HSPBP1: variants seen among roughly 807,000 people sequenced by gnomAD.
HSPBP1 encodes hsp70-binding protein 1.
Under a neutral mutation model 41.7 loss-of-function variants are expected in HSPBP1, and 31 were observed. The ratio of observed to expected loss-of-function variants is 0.74; its 90% confidence interval spans 0.56 to 1.00. The LOEUF is 1.00. Among genes scored for constraint, HSPBP1 ranks in the 50% least tolerant of loss-of-function variants. The pLI, the probability that HSPBP1 is intolerant of heterozygous loss-of-function variation, is 0.00. For missense variants in HSPBP1, 439 were observed against 487.9 expected (o/e 0.90, Z 0.94); for synonymous variants, 199 against 214.4 (o/e 0.93, Z 0.63).
rs758867071 is a variant in HSPBP1, at chr19:55,266,382, ACAT to A, written c.641-99_641-97del. ...AACATCATCACAACCACCATCACCA[ACAT>A]CATCATCACCACCATCACCACTATC... On this transcript the variant is annotated intron_variant, in intron 4 of 7. Transcript: ENST00000433386. 6,221 of 822,576 alleles carry A rather than the reference ACAT, an allele frequency of 7.6e-3. 25 individuals are homozygous for A. The highest frequency in any genetic ancestry group is 9.5e-3 in the Non-Finnish European group (5,650 of 594,292). The allele number at this position is 822,576 out of a possible 1,614,324, so 51.0% of individuals were successfully genotyped here.
intron 7 of HSPBP1, among the ~76,000 whole-genome samples, chr19:55,263,418 T>C (rs1358632960): frequency 1.3e-5 from 2 of 152,204 alleles, no homozygotes; most frequent in African/African-American, 4.8e-5. Context: ...AGCTTGGTGA[T>C]AGCTAATGAA....
chr19:55,276,076 C>T (rs2088062915), intron 3 of HSPBP1, among the ~76,000 whole-genome samples: 2 of 135,194 alleles, frequency 1.5e-5, no homozygotes, highest in African/African-American at 5.7e-5. Flanking sequence ...GAGATTGCAC[C>T]ACTGCACTCC....
At chr19:55,274,691 G>C (rs997074777) in intron 3 of HSPBP1, 69 bp from the exon 4 acceptor site, 20 of 1,331,068 alleles carry the variant, frequency 1.5e-5, no homozygotes, top group African/African-American at 1.4e-4. Flanking sequence ...AAAATGCATG[G>C]GTTGATGTTC....
At position 55,265,914 on chromosome 19, in the gene HSPBP1, G is replaced by T; in HGVS notation, c.865C>A (p.His289Asn). 6.2e-7 allele frequency: 1 copy of T among 1,608,236 alleles called. No individual in the cohort carries two copies. The stretch of plus-strand genomic sequence containing the variant: ...CACAGGGCTCCAAGCACGTGCTCGT[G>T]GAAGGGGCTGTGCTCTGTCCGCACC... ...ALVRTEHSPF[H>N]EHVLGALCSL... Residue 289 changes from histidine to asparagine, a missense_variant, in exon 6 of 8, where the codon CAC (histidine) becomes AAC (asparagine). Transcript: ENST00000433386.
Position 55,270,545 on chromosome 19 carries a change from G to T in HSPBP1, c.640+3853C>A, listed in dbSNP as rs1019209941. 6.6e-6 allele frequency among the ~76,000 whole-genome samples: 1 copy of T among 152,130 alleles called. No homozygotes were observed. Among genetic ancestry groups the T allele is most frequent in the Non-Finnish European group, 1.5e-5 (1 of 68,030 alleles). On this transcript the variant is annotated intron_variant, in intron 4 of 7. Transcript: ENST00000433386. The surrounding 1 kb of genome is among the most constrained non-coding windows in gnomAD (Gnocchi z 5.4). ...GCCACTGCTGCATTCCTCACCCGCA[G>T]GAAGGGGAAAGATAAGCTACTGTTG... is the stretch of plus-strand genomic sequence containing the variant.
chr19:55,262,349 GA>G lies in HSPBP1; in HGVS notation c.*258del. On this transcript the variant is annotated 3_prime_UTR_variant, in exon 8 of 8. Coordinates refer to ENST00000433386, the MANE Select transcript of HSPBP1 (RefSeq NM_012267.5). ...TGACAAAGGCGGCAGTGAAGGAGGA[GA>G]AGGAGGAAGAGAAACACCTTTATTG... 7.7e-7 allele frequency: 1 copy of G among 1,303,178 alleles called. No individual in the cohort carries two copies. The highest frequency in any genetic ancestry group is 9.8e-7 in the Non-Finnish European group (1 of 1,019,718). 80.7% of individuals were successfully genotyped at this position (1,303,178 alleles called of 1,614,324 possible). A position where few individuals can be genotyped will look rare whatever the true frequency, so the allele number is the denominator to read the frequency against.
intron 2 of HSPBP1, among the ~76,000 whole-genome samples, chr19:55,278,951 G>A (rs2088153998): frequency 7.4e-6 from 1 of 134,430 alleles, no homozygotes; most frequent in South Asian, 2.3e-4. Context: ...ACAGCAGTCT[G>A]ACTACAGAGC....
intron 3 of HSPBP1, among the ~76,000 whole-genome samples, chr19:55,276,104 C>CAA (rs59561808): frequency 0.017 from 1,085 of 64,800 alleles, 29 homozygotes; most frequent in African/African-American, 0.043. Flanking sequence ...GAGACTGACT[C>CAA]AAAAAAAAAA....
intron 3 of HSPBP1, among the ~76,000 whole-genome samples, chr19:55,276,469 ATATATT>A (rs1213719947): frequency 5.3e-5 from 8 of 152,112 alleles, no homozygotes; most frequent in African/African-American, 1.9e-4. Context: ...AGATACACAT[ATATATT>A]TATATTTATA....
intron 4 of HSPBP1, 53 bp downstream of exon 4, chr19:55,274,345 G>GCCCCCCCCCCCCCCCCCCCA: frequency 1.8e-6 from 1 of 552,678 alleles, no homozygotes; most frequent in Non-Finnish European, 3.1e-6. Context: ...GGCCCACCCG[G>GCCCCCCCCCCCCCCCCCCCA]CACCCCCCCC....
rs575489332 is a variant in HSPBP1, at chr19:55,274,343, C to T, written c.640+55G>A. On this transcript the variant is annotated intron_variant, in intron 4 of 7. Coordinates refer to ENST00000433386, the MANE Select transcript of HSPBP1 (RefSeq NM_012267.5). ...CCCCAGCAGATCCCGGGGGCCCACC[C>T]GGCACCCCCCCCCACCGCCAGCACC... is the stretch of plus-strand genomic sequence containing the variant. 1.9e-5 allele frequency: 12 copies of T among 639,934 alleles called. No homozygotes were observed. The highest frequency in any genetic ancestry group is 1.7e-4 in the East Asian group (5 of 29,702). The allele number at this position is 639,934 out of a possible 1,614,324, so 39.6% of individuals were successfully genotyped here. A position where few individuals can be genotyped will look rare whatever the true frequency, so the allele number is the denominator to read the frequency against.
rs2088179827 is a variant in HSPBP1 at position 55,279,649 on chromosome 19, AGGTGGTCACC to A, written c.-51_-42del. ...AAGGGAAGAATGTGTTAGAGGGAGA[AGGTGGTCACC>A]GCTGAAGCAGCTCTGGCGTCCTGAT... On this transcript the variant is annotated 5_prime_UTR_variant, in exon 2 of 8. Coordinates refer to ENST00000433386, the MANE Select transcript of HSPBP1 (RefSeq NM_012267.5). 1.3e-6 allele frequency: 2 copies of A among 1,551,900 alleles called. No individual in the cohort carries two copies. Among genetic ancestry groups the A allele is most frequent in the Middle Eastern group, 1.7e-4 (1 of 6,020 alleles).
rs946200972 is a variant in HSPBP1 at position 55,270,464 on chromosome 19, C to A, written c.640+3934G>T. Among the ~76,000 whole-genome samples the A allele has an allele frequency of 9.9e-5, 15 of 152,264 alleles. No individual in the cohort carries two copies. The highest frequency in any genetic ancestry group is 3.4e-3 in the Middle Eastern group (1 of 294). ...GCTGACGGCTGACCACAACCTCATG[C>A]AACCTCATGCAACCTCATGAAGACG... On this transcript the variant is annotated intron_variant, in intron 4 of 7. Coordinates refer to ENST00000433386, the MANE Select transcript of HSPBP1 (RefSeq NM_012267.5). This position sits in a 1 kb window ranked among gnomAD's most constrained non-coding sequence, Gnocchi z 5.4.
Position 55,262,669 on chromosome 19 carries a change from A to C in HSPBP1, c.1019T>G (p.Phe340Cys). The change falls in exon 8 of 8, where the codon TTC (phenylalanine) becomes TGC (cysteine). Residue 340 changes from phenylalanine to cysteine, a missense_variant. Physicochemically the swap from Phe to Cys is radical, Grantham distance 205 (BLOSUM62 -2). Transcript: ENST00000433386. ...ACAGGTCTGTAGCAGCTTTTCACAGAACTCCAGCTCCTCCTGGATTGGGCA... is the reference window on the plus strand; with the variant it reads ...ACAGGTCTGTAGCAGCTTTTCACAGCACTCCAGCTCCTCCTGGATTGGGCA... The part of the protein sequence containing the change: ...QHEEYQEELE[F>C]CEKLLQTCFS... 6.2e-7 allele frequency: 1 copy of C among 1,613,382 alleles called. No individual in the cohort carries two copies. Among genetic ancestry groups the C allele is most frequent in the Non-Finnish European group, 8.5e-7 (1 of 1,179,652 alleles).
Position 55,265,949 on chromosome 19 carries a change from A to T in HSPBP1, c.830T>A (p.Leu277Gln). Residue 277 changes from leucine (L) to glutamine (Q), a missense_variant, in exon 6 of 8, where the codon CTG becomes CAG. Leu to Gln is a moderately radical substitution (Grantham distance 113). Transcript: ENST00000433386. The part of the protein sequence containing the change: ...TLCSMGMVQQ[L>Q]VALVRTEHSP... ...GTGCTCTGTCCGCACCAGGGCCACC[A>T]GCTGCTGGACCATCCCCATGGAGCA... 1 of 1,606,910 alleles carries T rather than the reference A, an allele frequency of 6.2e-7. No individual in the cohort carries two copies. Among genetic ancestry groups the T allele is most frequent in the Admixed American group, 1.7e-5 (1 of 58,928 alleles).
intron 4 of HSPBP1, 53 bp downstream of exon 4, chr19:55,274,345 G>GACCCCCCCCCCCCCCCCCCCCCCCC: frequency 1.8e-6 from 1 of 552,676 alleles, no homozygotes; most frequent in Non-Finnish European, 3.1e-6. Context: ...GGCCCACCCG[G>GACCCCCCCCCCCCCCCCCCCCCCCC]CACCCCCCCC....
chr19:55,269,185 A>G (rs979894672), intron 4 of HSPBP1, among the ~76,000 whole-genome samples: 4 of 152,122 alleles, frequency 2.6e-5, no homozygotes, highest in Admixed American at 1.3e-4. Context: ...CGTCCTGTGC[A>G]TTGCAGGATG....
intron 5 of HSPBP1, 48 bp downstream of exon 5, chr19:55,266,083 C>T: frequency 1.3e-6 from 2 of 1,581,058 alleles, no homozygotes; most frequent in Non-Finnish European, 1.7e-6. Flanking sequence ...TGCACCCACC[C>T]CAGGGCGTCT....
In HSPBP1 at chr19:55,279,756, C is replaced by G. The variant is rs745854496; in HGVS notation, c.-94-54G>C. ...CTCGGCGACCCCCCATGACCCCAAA[C>G]CACTCTGCCCCCAGCCCACTTAACC... is the stretch of plus-strand genomic sequence containing the variant. On this transcript the variant is annotated intron_variant, in intron 1 of 7. Coordinates refer to ENST00000433386, the MANE Select transcript of HSPBP1 (RefSeq NM_012267.5). 1.1e-5 allele frequency: 17 copies of G among 1,527,416 alleles called. 1 individual carries two copies. In the South Asian group the frequency reaches 2.0e-4, roughly 18 times the overall value. The allele number at this position is 1,527,416 out of a possible 1,614,324, so 94.6% of individuals were successfully genotyped here.
Sources: gnomAD v4.1 joint callset for allele counts (sites outside exome capture counted in the v4.1 genomes callset) on GRCh38, gnomAD v4.1.1 for gene constraint, Gnocchi (gnomAD v3.1) non-coding constraint, MANE v1.5 for transcripts, NCBI Gene and HGNC (gene_info 2026-07-23, HGNC 2026-07-21) for gene names.